TMIGD3: variants seen among roughly 807,000 people sequenced by gnomAD.
TMIGD3 encodes transmembrane and immunoglobulin domain containing 3, also known as AD026 protein (AD026).
Under a neutral mutation model 28.1 loss-of-function variants are expected in TMIGD3, and 21 were observed. The ratio of observed to expected loss-of-function variants is 0.75; its 90% CI spans 0.53 to 1.08. The LOEUF is 1.08. Among genes scored for constraint, TMIGD3 ranks in the 50% least tolerant of loss-of-function variants. The pLI is 0.00. For missense variants in TMIGD3, 416 were observed against 435.6 expected (o/e 0.96, Z 0.40); for synonymous variants, 151 against 162.1 (o/e 0.93, Z 0.52).
upstream of TMIGD3, chr1:111,504,860 C>T: frequency 1.0e-6 from 1 of 985,244 alleles, no homozygotes; most frequent in African/African-American, 1.7e-5. Context: ...CTTACCAAAT[C>T]CCATACTTGT....
At chr1:111,561,055 A>G (rs1657717285) in intron 1 of TMIGD3, among the ~76,000 whole-genome samples, 1 of 152,170 alleles carries the variant, frequency 6.6e-6, no homozygotes, top group African/African-American at 2.4e-5. Context: ...AAAGAGGACC[A>G]TACCCTGAAG....
At chr1:111,537,436 C>T (rs985129044) in intron 1 of TMIGD3, among the ~76,000 whole-genome samples, 13 of 152,188 alleles carry the variant, frequency 8.5e-5, no homozygotes, top group Non-Finnish European at 7.3e-5. Context: ...GAGCATCTGA[C>T]ATCAGGGCAT....
upstream of TMIGD3, among the ~76,000 whole-genome samples, chr1:111,504,421 G>A (rs1253345069): frequency 1.3e-5 from 2 of 152,208 alleles, no homozygotes; most frequent in African/African-American, 4.8e-5. Flanking sequence ...ACAGGCGACT[G>A]TCTGGGAATC....
Position 111,488,904 on chromosome 1 carries a change from C to A in TMIGD3, c.578G>T (p.Arg193Leu). 1 of 1,614,182 alleles carries A rather than the reference C, an allele frequency of 6.2e-7. No individual in the cohort carries two copies. ...HPKYWCRGYF[R>L]DYCNIIAFSP... ...GAAGGCGATGATGTTGCAGTAGTCA[C>A]GGAAATAGCCTCGGCACCAGTATTT... The change falls in exon 3 of 6, where the codon CGT becomes CTT. Residue 193 changes from arginine to leucine, a missense_variant. Transcript: ENST00000369716.
intron 1 of TMIGD3, among the ~76,000 whole-genome samples, chr1:111,513,029 G>A (rs975842397): frequency 6.6e-6 from 1 of 152,146 alleles, no homozygotes; most frequent in African/African-American, 2.4e-5. Context: ...TGGACTTTGC[G>A]AACCCCGGGG....
At chr1:111,542,743 C>T (rs570610032) in intron 1 of TMIGD3, among the ~76,000 whole-genome samples, 1 of 151,832 alleles carries the variant, frequency 6.6e-6, no homozygotes, top group African/African-American at 2.4e-5. Context: ...GTCACCCAGG[C>T]TGGAGTGCAG....
chr1:111,509,130 G>A (rs1398664763), intron 1 of TMIGD3, among the ~76,000 whole-genome samples: 1 of 152,212 alleles, frequency 6.6e-6, no homozygotes, highest in African/African-American at 2.4e-5. Context: ...ACCAGGATGG[G>A]AGCCCAGCTC....
intron 2 of TMIGD3, chr1:111,489,511 C>T: frequency 1.1e-6 from 1 of 951,574 alleles, no homozygotes; most frequent in Non-Finnish European, 1.3e-6. Flanking sequence ...TTTTAGCCTC[C>T]CAGACTGTGG....
intron 1 of TMIGD3, among the ~76,000 whole-genome samples, chr1:111,551,766 G>GTTTTT (rs56257032): frequency 0.01 from 1,562 of 149,072 alleles, 27 homozygotes; most frequent in African/African-American, 0.032. Context: ...GTTTTGTTTT[G>GTTTTT]TTTTTTTGAG....
chr1:111,508,125 C>G (rs1655573939), upstream of TMIGD3, among the ~76,000 whole-genome samples: 2 of 152,256 alleles, frequency 1.3e-5, no homozygotes, highest in African/African-American at 4.8e-5. Flanking sequence ...TTCCTTCACT[C>G]TGAGCAACAG....
At chr1:111,540,356 G>T (rs1656780859) in intron 1 of TMIGD3, among the ~76,000 whole-genome samples, 1 of 152,226 alleles carries the variant, frequency 6.6e-6, no homozygotes, top group Non-Finnish European at 1.5e-5. Flanking sequence ...CATCTCCTTG[G>T]CATGGGGCAG....
At chr1:111,535,072 T>C (rs2101018013) in intron 1 of TMIGD3, among the ~76,000 whole-genome samples, 1 of 152,364 alleles carries the variant, frequency 6.6e-6, no homozygotes, top group South Asian at 2.1e-4. Flanking sequence ...GACAACCTAT[T>C]TGTGCCTCAG....
At chr1:111,508,669 C>T (rs553638690) in intron 1 of TMIGD3, among the ~76,000 whole-genome samples, 7 of 152,342 alleles carry the variant, frequency 4.6e-5, no homozygotes, top group African/African-American at 1.7e-4. Flanking sequence ...AAACCTGTGA[C>T]TGTTCCAATA....
At chr1:111,500,050 A>G in intron 1 of TMIGD3, 1 of 1,614,226 alleles carries the variant, frequency 6.2e-7, no homozygotes, top group South Asian at 1.1e-5. Context: ...GAACTTCTTT[A>G]TTTTATAGGC....
intron 1 of TMIGD3, among the ~76,000 whole-genome samples, chr1:111,517,467 T>C (rs1053005095): frequency 6.6e-6 from 1 of 152,214 alleles, no homozygotes; most frequent in Non-Finnish European, 1.5e-5. Flanking sequence ...TTTCCTTACA[T>C]ATAGAAAACT....
Position 111,503,032 on chromosome 1 carries a change from C to T in TMIGD3, c.323G>A (p.Arg108Gln), listed in dbSNP as rs373538239. Residue 108 changes from arginine (R) to glutamine (Q), a missense_variant, in exon 1 of 6, where the codon CGA becomes CAA. By Grantham distance (43) the Arg-to-Gln change is conservative. Coordinates refer to ENST00000369716, the MANE Select transcript of TMIGD3 (RefSeq NM_020683.7). Reference protein sequence around the residue: ...IMSLLAIAVDRYLRVKLTVRF... With the variant: ...IMSLLAIAVDQYLRVKLTVRF... ...GACGGTAAGCTTGACCCGCAAGTAT[C>T]GGTCCACAGCGATGGCCAGCAAGGA... is the stretch of plus-strand genomic sequence containing the variant. The T allele has an allele frequency of 7.1e-5, 114 of 1,614,036 alleles. No individual in the cohort carries two copies. The Middle Eastern group carries it at 8.2e-4, about 12-fold the overall frequency.
chr1:111,484,174 G>A (rs1332841960), intron 5 of TMIGD3, among the ~76,000 whole-genome samples: 1 of 152,186 alleles, frequency 6.6e-6, no homozygotes, highest in Admixed American at 6.5e-5. Context: ...TAAGAGCACT[G>A]ACTCCTGGTG....
intron 1 of TMIGD3, among the ~76,000 whole-genome samples, chr1:111,531,284 GAA>G (rs529260800): frequency 7.7e-6 from 1 of 130,136 alleles, no homozygotes; most frequent in Non-Finnish European, 1.7e-5. Context: ...CTCCAGAAAA[GAA>G]AAAAAAAAAA....
At chr1:111,503,808 G>C (rs1655376947), upstream of TMIGD3, 3 of 1,005,944 alleles carry the variant, frequency 3.0e-6, no homozygotes, top group Non-Finnish European at 3.6e-6. Context: ...CAAAAAGATG[G>C]AAAGAGCAGA....
Sources: allele counts gnomAD v4.1 joint callset (sites outside exome capture counted in the v4.1 genomes callset), GRCh38; gene constraint gnomAD v4.1.1; transcripts MANE v1.5; gene names NCBI Gene and HGNC (gene_info 2026-07-23, HGNC 2026-07-21).